COL1A2: variants seen among roughly 807,000 people sequenced by gnomAD.
The protein encoded by COL1A2 is collagen type I alpha 2 chain, also known as collagen alpha-2(I) chain.
In COL1A2, 49 loss-of-function variants were observed where a neutral mutation model predicts 174.3. The observed-to-expected ratio is 0.28, with a 90% CI of 0.22 to 0.36. The LOEUF is 0.36. COL1A2 is among the 10% of genes least tolerant of loss of function. COL1A2 has a pLI of 1.00. For missense variants in COL1A2, 1,438 were observed against 1,822.7 expected, an observed-to-expected ratio of 0.79 and a Z score of 3.84; for synonymous variants, 655 against 606.6, an observed-to-expected ratio of 1.08 and a Z score of -1.17.
At chr7:94,407,983 C>T in intron 13 of COL1A2, 92 bp downstream of exon 13, 1 of 1,278,956 alleles carries the variant, frequency 7.8e-7, no homozygotes, top group South Asian at 1.2e-5. Context: ...CTGTATCCTT[C>T]AGCATTGTAT....
At chr7:94,395,541 T>G (rs776775430) in intron 1 of COL1A2, 2 of 303,114 alleles carry the variant, frequency 6.6e-6, no homozygotes, top group Non-Finnish European at 1.3e-5. Flanking sequence ...AAAACTCACC[T>G]CCTAAGAGCT....
intron 12 of COL1A2, 93 bp from the exon 13 acceptor site, chr7:94,407,754 T>C (rs1791831872): frequency 5.6e-6 from 6 of 1,075,676 alleles, no homozygotes; most frequent in South Asian, 2.7e-5. Flanking sequence ...AGTATATGAA[T>C]GGTTCAAAGT....
At chr7:94,427,414 T>TA (rs772545856) in intron 48 of COL1A2, 119 bp downstream of exon 48, 7 of 1,129,634 alleles carry the variant, frequency 6.2e-6, no homozygotes, top group Non-Finnish European at 9.0e-6. Flanking sequence ...ATATATCCTC[T>TA]AAAATATCTG....
intron 22 of COL1A2, 35 bp from the exon 23 acceptor site, chr7:94,411,021 C>T: frequency 1.9e-6 from 3 of 1,604,512 alleles, no homozygotes; most frequent in Non-Finnish European, 2.6e-6. Context: ...TTAGCATCCT[C>T]CTCCTCTATC....
intron 29 of COL1A2, 26 bp from the exon 30 acceptor site, chr7:94,415,200 A>T: frequency 1.9e-6 from 3 of 1,608,276 alleles, no homozygotes; most frequent in Non-Finnish European, 2.6e-6. Flanking sequence ...CACAGATTTC[A>T]TGCTTTATTC....
intron 12 of COL1A2, among the ~76,000 whole-genome samples, chr7:94,406,534 A>G (rs537864657): frequency 6.6e-6 from 1 of 152,324 alleles, no homozygotes; most frequent in African/African-American, 2.4e-5. Flanking sequence ...AGATAAAAAT[A>G]ATATTAATAG....
chr7:94,406,393 A>G, intron 12 of COL1A2, 90 bp downstream of exon 12: 2 of 1,146,452 alleles, frequency 1.7e-6, no homozygotes, highest in Admixed American at 1.8e-5. Flanking sequence ...AAGACTACCC[A>G]TATTACAAAA....
At position 94,429,301 on chromosome 7, in the gene COL1A2, C is replaced by T. The variant is rs1283119387; in HGVS notation, c.3825C>T (p.Ser1275=). 4 of 1,614,098 alleles carry T rather than the reference C, an allele frequency of 2.5e-6. No individual in the cohort carries two copies. The Admixed American group carries it at 5.0e-5, about 20-fold the overall frequency. Residue 1275 remains serine (S), a synonymous_variant, in exon 51 of 52, where the codon AGC becomes AGT. Transcript: ENST00000297268. ...SQNITYHCKN[S]IAYMDEETGN... ...ACATCACCTACCACTGCAAGAACAG[C>T]ATTGCATACATGGATGAGGAGACTG...
At chr7:94,420,081 A>G (rs1584325933) in intron 34 of COL1A2, 152 bp from the exon 35 acceptor site, 1 of 1,044,354 alleles carries the variant, frequency 9.6e-7, no homozygotes, top group South Asian at 1.3e-5. Context: ...TTAAGTAAAA[A>G]TCCACTTCAT....
At chr7:94,425,035 C>T (rs1056521652) in intron 41 of COL1A2, 82 bp from the exon 42 acceptor site, 4 of 1,204,350 alleles carry the variant, frequency 3.3e-6, no homozygotes, top group Non-Finnish European at 4.9e-6. Flanking sequence ...ACTAGAATCT[C>T]CTGAGTAGGG....
At position 94,430,238 on chromosome 7, in the gene COL1A2, T is replaced by C. The variant is rs755338835; in HGVS notation, c.3955-9T>C. 6.2e-7 allele frequency: 1 copy of C among 1,613,452 alleles called. No individual in the cohort carries two copies. Among genetic ancestry groups the C allele is most frequent in the South Asian group, 1.1e-5 (1 of 91,080 alleles). On this transcript the variant is annotated splice_polypyrimidine_tract_variant and intron_variant, in intron 51 of 51. Transcript: ENST00000297268. ...TGCTTTGTGTATCTATTTTCTTCTC[T>C]TTAAACAGAAAAAGACAAATGAATG...
At chr7:94,418,372 T>G (rs947014517) in intron 32 of COL1A2, 127 bp from the exon 33 acceptor site, 1 of 737,468 alleles carries the variant, frequency 1.4e-6, no homozygotes, top group African/African-American at 1.8e-5. Flanking sequence ...AATCGAGACA[T>G]TGCTAAAAAT....
Position 94,419,558 on chromosome 7 carries a change from A to T in COL1A2, c.2079+7A>T. The T allele has an allele frequency of 6.2e-7, 1 of 1,614,030 alleles. No homozygotes were observed. The highest frequency in any genetic ancestry group is 8.5e-7 in the Non-Finnish European group (1 of 1,179,996). The stretch of plus-strand genomic sequence containing the variant: ...TGGAGCCACAGGTGACCGGGTAAGC[A>T]TGCATTTTCACTAAGCCAACAGCAA... On this transcript the variant is annotated splice_region_variant and intron_variant, in intron 34 of 51. Transcript: ENST00000297268.
At chr7:94,412,775 T>G in intron 25 of COL1A2, 93 bp downstream of exon 25, 1 of 1,107,004 alleles carries the variant, frequency 9.0e-7, no homozygotes, top group Non-Finnish European at 1.4e-6. Context: ...CAGTCCAGTC[T>G]CAGGGAGTTT....
intron 1 of COL1A2, chr7:94,395,348 C>T (rs1791561931): frequency 1.8e-6 from 1 of 562,118 alleles, no homozygotes; most frequent in East Asian, 3.7e-5. Context: ...TTAACTCGGT[C>T]TGGCTCCTCA....
Position 94,428,286 on chromosome 7 carries a change from T to C in COL1A2, c.3527-7T>C. 1.2e-6 allele frequency: 2 copies of C among 1,609,028 alleles called. No individual in the cohort carries two copies. The highest frequency in any genetic ancestry group is 1.1e-5 in the South Asian group (1 of 90,974). On this transcript the variant is annotated splice_region_variant and splice_polypyrimidine_tract_variant and intron_variant, in intron 49 of 51. Transcript: ENST00000297268. ...GTTTCATGATCTGAATGTTATTTTC[T>C]TAAAAGGTTACTACTGGATTGACCC...
chr7:94,420,885 C>A, intron 37 of COL1A2, 124 bp from the exon 38 acceptor site: 1 of 1,023,582 alleles, frequency 9.8e-7, no homozygotes, highest in Non-Finnish European at 1.5e-6. Flanking sequence ...CATTCTGACA[C>A]AGATAGTCAT....
intron 39 of COL1A2, chr7:94,422,668 C>T (rs1353487284): frequency 9.5e-6 from 4 of 419,644 alleles, no homozygotes; most frequent in Non-Finnish European, 1.8e-5. Flanking sequence ...CTACATAGTT[C>T]TGATTCCAAT....
chr7:94,410,627 C>CA (rs1241600209), intron 21 of COL1A2, 100 bp downstream of exon 21: 17 of 1,050,412 alleles, frequency 1.6e-5, no homozygotes, highest in South Asian at 5.5e-5. Context: ...TTTTCTTAGG[C>CA]AAAAAAAGCA....
Sources: gnomAD v4.1 joint callset for allele counts (sites outside exome capture counted in the v4.1 genomes callset) on GRCh38, gnomAD v4.1.1 for gene constraint, MANE v1.5 for transcripts, NCBI Gene and HGNC (gene_info 2026-07-23, HGNC 2026-07-21) for gene names.